Variants in COPS8 observed in about 807,000 individuals in gnomAD.
The protein encoded by COPS8 is COP9 signalosome subunit 8.
A neutral mutation model predicts 31.5 loss-of-function variants in COPS8; 11 were observed. That is an observed-to-expected ratio of 0.35 (90% CI 0.22 to 0.58). The LOEUF (loss-of-function observed/expected upper bound fraction) is 0.58, where lower values mean the gene tolerates loss of function less well. Ranked by LOEUF, COPS8 falls within the 20% of genes least tolerant of loss-of-function variation. The probability of loss-of-function intolerance (pLI) is 0.83; values close to 1 mark genes in which losing one functional copy is unlikely to be tolerated. For missense variants in COPS8, 215 were observed against 255.1 expected (o/e 0.84, Z 1.07); for synonymous variants, 81 against 89.3 (o/e 0.91, Z 0.52).
chr2:237,097,363 G>C (rs1037222378), intron 7 of COPS8, among the ~76,000 whole-genome samples: 2 of 151,262 alleles, frequency 1.3e-5, no homozygotes. Context: ...TCTTTTAAAA[G>C]ACATGTTGCA....
intron 7 of COPS8, among the ~76,000 whole-genome samples, 182 bp from the exon 8 acceptor site, chr2:237,097,481 T>C (rs1193423440): frequency 6.6e-6 from 1 of 152,236 alleles, no homozygotes; most frequent in Non-Finnish European, 1.5e-5. Context: ...TTGCAACTTC[T>C]TGGCTTGCTT....
intron 5 of COPS8, among the ~76,000 whole-genome samples, chr2:237,094,423 T>C (rs886653216): frequency 3.9e-5 from 6 of 152,160 alleles, no homozygotes; most frequent in Non-Finnish European, 8.8e-5. Context: ...ATCCACACAG[T>C]TGGTTACAAA....
chr2:237,088,533 G>A (rs1323532651), intron 2 of COPS8, 72 bp from the exon 3 acceptor site: 1 of 1,101,080 alleles, frequency 9.1e-7, no homozygotes. Context: ...CTTGGGACCT[G>A]GTAGTTTTTA....
intron 6 of COPS8, among the ~76,000 whole-genome samples, chr2:237,096,361 T>C (rs1696800792): frequency 6.6e-6 from 1 of 152,192 alleles, no homozygotes; most frequent in African/African-American, 2.4e-5. Context: ...TCATTGTCTT[T>C]ATCTGAATTC....
chr2:237,086,048 C>A lies in COPS8; in HGVS notation c.78+6C>A. ...GCGAGAACCAGGAGCTCGAGGTAAC[C>A]CTTTGCGTCGCGCTGGGAGAAACTG... On this transcript the variant is annotated splice_donor_region_variant and intron_variant, in intron 1 of 7. Coordinates refer to ENST00000354371, the MANE Select transcript of COPS8 (RefSeq NM_006710.5). 6.2e-7 allele frequency: 1 copy of A among 1,612,244 alleles called. No homozygotes were observed. The highest frequency in any genetic ancestry group is 8.5e-7 in the Non-Finnish European group (1 of 1,178,724).
In COPS8 at chr2:237,094,067, C is replaced by T. The variant is rs115416168; in HGVS notation, c.332-23C>T. The T allele has an allele frequency of 1.1e-3, 1,850 of 1,609,684 alleles. 20 individuals carry two copies. In the African/African-American group the frequency reaches 0.021, roughly 18 times the overall value. On this transcript the variant is annotated intron_variant, in intron 4 of 7. Transcript: ENST00000354371. ...ATGCTGCTCCCTGGTTCACTCTCTG[C>T]CAACCCACCACTCCCACAATAGATG...
rs1696865933 is a variant in COPS8, at chr2:237,099,828, A to G, written c.*2086A>G. On this transcript the variant is annotated 3_prime_UTR_variant, in exon 8 of 8. Coordinates refer to ENST00000354371, the MANE Select transcript of COPS8 (RefSeq NM_006710.5). ...ATCTGGTACAAGATGTCCAGGATTCAAGGAGGCTCTTAAAGACTTGGGATT... is the reference window on the plus strand; with the variant it reads ...ATCTGGTACAAGATGTCCAGGATTCGAGGAGGCTCTTAAAGACTTGGGATT... 1 of 152,218 alleles carries G rather than the reference A, an allele frequency of 6.6e-6. No homozygotes were observed. The highest frequency in any genetic ancestry group is 2.1e-4 in the South Asian group (1 of 4,834). The allele number at this position is 152,218 out of a possible 1,614,324, so 9.4% of individuals were successfully genotyped here.
intron 5 of COPS8, 128 bp downstream of exon 5, chr2:237,094,325 G>A (rs978425730): frequency 8.2e-6 from 7 of 855,608 alleles, no homozygotes; most frequent in Admixed American, 5.5e-5. Context: ...TTTTTTGAGA[G>A]GTGATATGAA....
In COPS8 at chr2:237,089,885, T is replaced by C. The variant is rs745353990; in HGVS notation, c.222T>C (p.Ile74=). 1.9e-5 allele frequency: 30 copies of C among 1,612,622 alleles called. No homozygotes were observed. The highest frequency in any genetic ancestry group is 3.9e-4 in the Middle Eastern group (2 of 5,112). ...IKSANSELGG[I]WSVGQRIWQR... Reference sequence around the variant, plus strand: ...AGGCAAATTCTGAACTTGGGGGAATTTGGTCAGTAGGACAAAGAATCTGGC... The same window carrying C: ...AGGCAAATTCTGAACTTGGGGGAATCTGGTCAGTAGGACAAAGAATCTGGC... Residue 74 remains isoleucine, a synonymous_variant, in exon 4 of 8, where the codon ATT becomes ATC. Coordinates refer to ENST00000354371, the MANE Select transcript of COPS8 (RefSeq NM_006710.5).
chr2:237,087,291 C>A, intron 2 of COPS8, 94 bp downstream of exon 2: 1 of 772,154 alleles, frequency 1.3e-6, no homozygotes, highest in Non-Finnish European at 2.2e-6. Flanking sequence ...AACATAGGCA[C>A]AACGAGCTAC....
chr2:237,096,116 T>C (rs1161014395), intron 6 of COPS8, among the ~76,000 whole-genome samples: 1 of 152,224 alleles, frequency 6.6e-6, no homozygotes, highest in East Asian at 1.9e-4. Context: ...TCATGGTCCT[T>C]ACACCTTAGT....
intron 1 of COPS8, chr2:237,086,794 A>G: frequency 6.5e-6 from 6 of 917,578 alleles, no homozygotes; most frequent in Non-Finnish European, 7.9e-6. Context: ...GTTTCTTATA[A>G]TAGTAAGATC....
intron 5 of COPS8, among the ~76,000 whole-genome samples, chr2:237,095,571 G>C (rs2106347024): frequency 6.6e-6 from 1 of 152,154 alleles, no homozygotes; most frequent in Non-Finnish European, 1.5e-5. Flanking sequence ...ATATATTCTT[G>C]ACAGAAAACT....
rs1022637534 is a variant in COPS8, at chr2:237,099,408, A to G, written c.*1666A>G. ...AAAAAATAATCTCAAGTGATCAAAC[A>G]CAATATTTCAATTTTACATTGTCAG... is the stretch of plus-strand genomic sequence containing the variant. On this transcript the variant is annotated 3_prime_UTR_variant, in exon 8 of 8. Coordinates refer to ENST00000354371, the MANE Select transcript of COPS8 (RefSeq NM_006710.5). The G allele has an allele frequency of 6.6e-6, 1 of 152,216 alleles. No individual in the cohort carries two copies. Among genetic ancestry groups the G allele is most frequent in the African/African-American group, 2.4e-5 (1 of 41,472 alleles). 9.4% of individuals were successfully genotyped at this position (152,216 alleles called of 1,614,324 possible).
chr2:237,092,160 A>G (rs1696715441), intron 4 of COPS8, among the ~76,000 whole-genome samples: 1 of 152,206 alleles, frequency 6.6e-6, no homozygotes, highest in African/African-American at 2.4e-5. Context: ...TGCCACAGAT[A>G]TTAGGTGCTG....
chr2:237,094,667 A>G (rs1344403094), intron 5 of COPS8, among the ~76,000 whole-genome samples: 2 of 152,022 alleles, frequency 1.3e-5, no homozygotes, highest in Non-Finnish European at 2.9e-5. Context: ...TTGTTATAGA[A>G]TACTGTATAC....
intron 4 of COPS8, 97 bp downstream of exon 4, chr2:237,090,091 G>A (rs1432888644): frequency 1.3e-5 from 16 of 1,185,800 alleles, no homozygotes; most frequent in Non-Finnish European, 1.7e-5. Context: ...TGTTTAAGTA[G>A]ATATTTTTGA....
intron 6 of COPS8, among the ~76,000 whole-genome samples, chr2:237,096,294 TCA>T (rs1218806969): frequency 6.6e-6 from 1 of 152,226 alleles, no homozygotes. Context: ...GCTTCCACTT[TCA>T]CAGAGTTAAC....
intron 2 of COPS8, chr2:237,087,494 C>A: frequency 2.6e-6 from 1 of 380,858 alleles, no homozygotes; most frequent in South Asian, 2.6e-5. Flanking sequence ...TACTTAACTT[C>A]ATATATAATC....
Sources: gnomAD v4.1 joint callset for allele counts (sites outside exome capture counted in the v4.1 genomes callset) on GRCh38, gnomAD v4.1.1 for gene constraint, MANE v1.5 for transcripts, NCBI Gene and HGNC (gene_info 2026-07-23, HGNC 2026-07-21) for gene names.